ADCY8: variants seen among roughly 807,000 people sequenced by gnomAD.
ADCY8 encodes the protein adenylate cyclase 8, also known as adenylate cyclase type 8.
In ADCY8, 51 loss-of-function variants were observed where a neutral mutation model predicts 119.7. That is an observed-to-expected ratio of 0.43 (90% CI 0.34 to 0.54). The LOEUF (loss-of-function observed/expected upper bound fraction) is 0.54, where lower values mean the gene tolerates loss of function less well. Among genes scored for constraint, ADCY8 ranks in the 20% least tolerant of loss-of-function variants. The pLI is 0.03. For missense variants in ADCY8, 1,383 were observed against 1,598.8 expected (o/e 0.87, Z 2.30); for synonymous variants, 665 against 651.0 (o/e 1.02, Z -0.33).
At chr8:130,965,493 A>G (rs1435701040) in intron 2 of ADCY8, among the ~76,000 whole-genome samples, 1 of 152,224 alleles carries the variant, frequency 6.6e-6, no homozygotes, top group Non-Finnish European at 1.5e-5. Context: ...AAAGTTGAAA[A>G]TAAAATAAAA....
chr8:131,032,685 G>C lies in ADCY8; in HGVS notation c.960+6689C>G, dbSNP rs143095535. Among the ~76,000 whole-genome samples, 89 of 152,160 alleles carry C rather than the reference G, an allele frequency of 5.8e-4. 1 individual carries two copies. In the East Asian group the frequency reaches 0.014, roughly 24 times the overall value. ...GGGCTGACTGTAAAAAATCTTGCAG[G>C]GAGAAAATCTGGCTTCCGAAGCACT... On this transcript the variant is annotated intron_variant, in intron 1 of 17. Transcript: ENST00000286355.
chr8:130,841,823 T>A (rs1363614271), intron 11 of ADCY8, among the ~76,000 whole-genome samples: 2 of 152,216 alleles, frequency 1.3e-5, no homozygotes, highest in African/African-American at 2.4e-5. Context: ...CTGGACTTAT[T>A]GCTTTACACA....
chr8:130,927,342 T>C (rs1820502330), intron 5 of ADCY8, among the ~76,000 whole-genome samples: 1 of 152,168 alleles, frequency 6.6e-6, no homozygotes, highest in Admixed American at 6.5e-5. Context: ...CCCTGATGAT[T>C]AGTGATGTTT....
At chr8:130,800,697 CT>C in intron 14 of ADCY8, 125 bp from the exon 15 acceptor site, 1 of 1,059,554 alleles carries the variant, frequency 9.4e-7, no homozygotes, top group Non-Finnish European at 1.4e-6. Context: ...GAAAATGAGG[CT>C]TGGATATCGT....
chr8:130,896,449 A>G (rs1355415463), intron 7 of ADCY8, among the ~76,000 whole-genome samples: 1 of 152,192 alleles, frequency 6.6e-6, no homozygotes, highest in East Asian at 1.9e-4. Context: ...CATATTCACA[A>G]AAAAGAGGCT....
At chr8:130,929,827 G>A (rs1247691674) in intron 5 of ADCY8, among the ~76,000 whole-genome samples, 1 of 152,140 alleles carries the variant, frequency 6.6e-6, no homozygotes, top group Non-Finnish European at 1.5e-5. Flanking sequence ...GATGTTGGGT[G>A]CAGATAAATT....
At chr8:130,931,032 G>T (rs1820615042) in intron 5 of ADCY8, among the ~76,000 whole-genome samples, 1 of 152,038 alleles carries the variant, frequency 6.6e-6, no homozygotes, top group Non-Finnish European at 1.5e-5. Flanking sequence ...ATTTTTACCA[G>T]TGAGTTGTAC....
chr8:130,814,600 G>A (rs1461818604), intron 13 of ADCY8, among the ~76,000 whole-genome samples: 1 of 152,186 alleles, frequency 6.6e-6, no homozygotes, highest in Non-Finnish European at 1.5e-5. Context: ...ATGTTTAATG[G>A]ACTTCTAGTT....
intron 7 of ADCY8, among the ~76,000 whole-genome samples, chr8:130,902,411 T>C (rs1244906398): frequency 6.6e-6 from 1 of 152,172 alleles, no homozygotes; most frequent in African/African-American, 2.4e-5. Context: ...TTTGTGTGCA[T>C]AATAATTTTT....
chr8:130,855,557 C>A (rs1817702223), intron 9 of ADCY8, among the ~76,000 whole-genome samples: 1 of 152,054 alleles, frequency 6.6e-6, no homozygotes, highest in Non-Finnish European at 1.5e-5. Context: ...ACCAGGGCAT[C>A]AAGGCTTGCT....
intron 8 of ADCY8, 85 bp downstream of exon 8, chr8:130,884,479 A>G: frequency 6.9e-7 from 1 of 1,440,530 alleles, no homozygotes; most frequent in South Asian, 1.2e-5. Flanking sequence ...AACCAAAACC[A>G]CAGCCCCTGG....
intron 12 of ADCY8, among the ~76,000 whole-genome samples, chr8:130,831,642 G>A (rs915284971): frequency 6.6e-6 from 1 of 152,140 alleles, no homozygotes; most frequent in African/African-American, 2.4e-5. Context: ...GAGTCAGTGT[G>A]GTCCAGATGA....
intron 8 of ADCY8, among the ~76,000 whole-genome samples, chr8:130,868,957 A>C (rs755410350): frequency 1.4e-4 from 22 of 152,244 alleles, no homozygotes; most frequent in Non-Finnish European, 2.8e-4. Context: ...TAATAAAATC[A>C]GTCCAATCTG....
chr8:130,915,449 C>T (rs1173342981), intron 5 of ADCY8, among the ~76,000 whole-genome samples: 1 of 152,096 alleles, frequency 6.6e-6, no homozygotes, highest in Non-Finnish European at 1.5e-5. Flanking sequence ...CATATTTCCC[C>T]AGCAACACCA....
intron 9 of ADCY8, among the ~76,000 whole-genome samples, chr8:130,854,099 C>T (rs1195095295): frequency 1.3e-5 from 2 of 152,208 alleles, no homozygotes; most frequent in Non-Finnish European, 2.9e-5. Context: ...CTGTGTATTA[C>T]ATTTCTCTGG....
intron 13 of ADCY8, among the ~76,000 whole-genome samples, chr8:130,814,692 G>A (rs1158571422): frequency 6.6e-6 from 1 of 152,214 alleles, no homozygotes; most frequent in African/African-American, 2.4e-5. Flanking sequence ...GCAGGCAAGT[G>A]AGAGCTTGTG....
chr8:130,843,939 A>G lies in ADCY8; in HGVS notation c.2502+3485T>C, dbSNP rs540613370. ...GTGACCTGAAGGAGTTGGGCCTGTC[A>G]AACCACATTATGGAAAAAGGGATGC... On this transcript the variant is annotated intron_variant, in intron 11 of 17. Transcript: ENST00000286355. Among the ~76,000 whole-genome samples the G allele has an allele frequency of 2.6e-5, 4 of 152,304 alleles. No individual in the cohort carries two copies. In the South Asian group the frequency reaches 8.3e-4, roughly 32 times the overall value.
At chr8:130,898,065 A>G (rs1047925502) in intron 7 of ADCY8, among the ~76,000 whole-genome samples, 9 of 152,134 alleles carry the variant, frequency 5.9e-5, no homozygotes, top group East Asian at 1.9e-4. Flanking sequence ...GATGACACCC[A>G]GCATATATCT....
chr8:130,873,467 C>A (rs144483947), intron 8 of ADCY8, among the ~76,000 whole-genome samples: 2 of 152,094 alleles, frequency 1.3e-5, no homozygotes, highest in Admixed American at 1.3e-4. Flanking sequence ...TACAGGCATG[C>A]GCCACCACAC....
Sources: allele counts gnomAD v4.1 joint callset (sites outside exome capture counted in the v4.1 genomes callset), GRCh38; gene constraint gnomAD v4.1.1; transcripts MANE v1.5; gene names NCBI Gene and HGNC (gene_info 2026-07-23, HGNC 2026-07-21).